The following DCAF6 variants were observed in gnomAD, a reference collection of about 807,000 sequenced individuals.
DCAF6 encodes the protein DDB1- and CUL4-associated factor 6.
Under a neutral mutation model 125.1 loss-of-function variants are expected in DCAF6, and 54 were observed. That is an observed-to-expected ratio of 0.43 (90% confidence interval 0.35 to 0.54). DCAF6 has a LOEUF of 0.54. Ranked by LOEUF, DCAF6 falls within the 20% of genes least tolerant of loss-of-function variation. DCAF6 has a pLI of 0.01. For synonymous variants in DCAF6, 371 were observed against 390.4 expected (o/e 0.95, Z 0.58); for missense variants, 934 against 1,161.7 (o/e 0.80, Z 2.85).
At chr1:168,058,731 G>C (rs973563601) in intron 17 of DCAF6, among the ~76,000 whole-genome samples, 1 of 152,086 alleles carries the variant, frequency 6.6e-6, no homozygotes, top group African/African-American at 2.4e-5. Flanking sequence ...ACCACACCCG[G>C]CTAATTTTTG....
chr1:167,940,769 C>T (rs988581212), intron 1 of DCAF6, among the ~76,000 whole-genome samples: 2 of 152,098 alleles, frequency 1.3e-5, no homozygotes, highest in African/African-American at 4.8e-5. Context: ...ACTCCTACAA[C>T]TTTCTAACCC....
chr1:167,957,849 T>G (rs1675008723), intron 2 of DCAF6, among the ~76,000 whole-genome samples: 1 of 152,178 alleles, frequency 6.6e-6, no homozygotes, highest in Admixed American at 6.5e-5. Context: ...AAGTGGTAAT[T>G]TGTTGTGATT....
At chr1:167,935,946 G>T, upstream of DCAF6, 1 of 858,872 alleles carries the variant, frequency 1.2e-6, no homozygotes, top group Non-Finnish European at 1.9e-6. Context: ...GACGACTCGC[G>T]TCCGCCTCTC....
chr1:168,054,660 A>G (rs1690379804), intron 17 of DCAF6, among the ~76,000 whole-genome samples: 2 of 152,210 alleles, frequency 1.3e-5, no homozygotes, highest in South Asian at 4.1e-4. Context: ...ACATTTTAAA[A>G]TTTATAATTT....
intron 11 of DCAF6, among the ~76,000 whole-genome samples, chr1:168,016,534 T>C (rs116064922): frequency 0.011 from 1,733 of 152,286 alleles, 38 homozygotes; most frequent in African/African-American, 0.039. Flanking sequence ...CTCCACAGTC[T>C]CATGTTCTTA....
the DCAF6 span, among the ~76,000 whole-genome samples, chr1:167,928,920 A>G: frequency 2.0e-5 from 3 of 152,256 alleles, no homozygotes; most frequent in Admixed American, 1.3e-4. Flanking sequence ...AAGATGAAAG[A>G]AATTGTCCAC....
chr1:167,961,210 A>G, intron 2 of DCAF6, among the ~76,000 whole-genome samples: 1 of 152,134 alleles, frequency 6.6e-6, no homozygotes, highest in East Asian at 1.9e-4. Context: ...CTTTGCTACA[A>G]TCACTTATTA....
chr1:167,935,858 T>C (rs778948843), upstream of DCAF6: 26 of 1,542,680 alleles, frequency 1.7e-5, no homozygotes, highest in African/African-American at 2.2e-4. Context: ...CGAGGGATCG[T>C]TGGCAGCCGG....
At chr1:167,929,949 C>T in the DCAF6 span, among the ~76,000 whole-genome samples, 5 of 152,134 alleles carry the variant, frequency 3.3e-5, no homozygotes, top group African/African-American at 4.8e-5. Context: ...TAATTCCTTA[C>T]ATTACACAAG....
the DCAF6 span, among the ~76,000 whole-genome samples, chr1:167,878,938 A>T: frequency 6.6e-6 from 1 of 152,204 alleles, no homozygotes; most frequent in African/African-American, 2.4e-5. Context: ...ACAGCACTGA[A>T]GGCTCTCAGA....
chr1:167,875,241 A>G, the DCAF6 span: 12 of 1,544,702 alleles, frequency 7.8e-6, no homozygotes, highest in African/African-American at 1.5e-4. Flanking sequence ...ACATATTGAG[A>G]GCAAGAGTGA....
the DCAF6 span, among the ~76,000 whole-genome samples, chr1:167,893,304 T>C: frequency 6.6e-6 from 1 of 152,238 alleles, no homozygotes; most frequent in Non-Finnish European, 1.5e-5. Flanking sequence ...TGCGCAATTA[T>C]ATAAGGCAAC....
intron 4 of DCAF6, among the ~76,000 whole-genome samples, chr1:167,983,102 C>T (rs1229068158): frequency 6.6e-6 from 1 of 152,142 alleles, no homozygotes; most frequent in Non-Finnish European, 1.5e-5. Flanking sequence ...AATGTGATAC[C>T]TCTGGCTTTG....
At chr1:167,975,267 A>G (rs1209195264) in intron 4 of DCAF6, among the ~76,000 whole-genome samples, 1 of 152,196 alleles carries the variant, frequency 6.6e-6, no homozygotes, top group Non-Finnish European at 1.5e-5. Context: ...TGCTTGAGCA[A>G]CCATGCTGTA....
the DCAF6 span, among the ~76,000 whole-genome samples, chr1:167,928,206 C>T: frequency 1.3e-5 from 2 of 151,532 alleles, no homozygotes; most frequent in East Asian, 3.9e-4. Flanking sequence ...AAATTAGCTG[C>T]GCGTGGTGGC....
intron 4 of DCAF6, among the ~76,000 whole-genome samples, chr1:167,977,212 T>G (rs1240130306): frequency 2.6e-5 from 4 of 150,992 alleles, no homozygotes; most frequent in Non-Finnish European, 5.9e-5. Context: ...GCCACAGTTT[T>G]TTTTTTTTTT....
At chr1:167,929,500 GA>G in the DCAF6 span, among the ~76,000 whole-genome samples, 2 of 151,996 alleles carry the variant, frequency 1.3e-5, no homozygotes, top group East Asian at 3.9e-4. Flanking sequence ...ACTTTTCATA[GA>G]ATTTGAGAAA....
chr1:167,887,261 G>C, the DCAF6 span, among the ~76,000 whole-genome samples: 1 of 152,168 alleles, frequency 6.6e-6, no homozygotes, highest in African/African-American at 2.4e-5. Context: ...GTTTATTGTG[G>C]CACTATTCAC....
chr1:167,865,337 T>C, the DCAF6 span, among the ~76,000 whole-genome samples: 3 of 152,218 alleles, frequency 2.0e-5, no homozygotes, highest in Admixed American at 6.5e-5. Context: ...TAAAAAGGTA[T>C]CATCCAGTTT....
Sources: allele counts gnomAD v4.1 joint callset (sites outside exome capture counted in the v4.1 genomes callset), GRCh38; gene constraint gnomAD v4.1.1; transcripts MANE v1.5; gene names NCBI Gene and HGNC (gene_info 2026-07-23, HGNC 2026-07-21).